The following LAMTOR3 variants were observed in gnomAD, a reference collection of about 807,000 sequenced individuals.
LAMTOR3 encodes late endosomal/lysosomal adaptor, MAPK and MTOR activator 3.
A neutral mutation model predicts 20.3 loss-of-function variants in LAMTOR3; 14 were observed. That is an observed-to-expected ratio of 0.69 (90% CI 0.46 to 1.08). LAMTOR3 has a LOEUF of 1.08. LAMTOR3 is among the 50% of genes least tolerant of loss of function. The probability of loss-of-function intolerance (pLI) is 0.00; values close to 1 mark genes in which losing one functional copy is unlikely to be tolerated. For synonymous variants in LAMTOR3, 40 were observed against 49.4 expected (o/e 0.81, Z 0.80); for missense variants, 125 against 143.7 (o/e 0.87, Z 0.67).
intron 3 of LAMTOR3, among the ~76,000 whole-genome samples, chr4:99,891,183 C>G (rs980872762): frequency 6.6e-6 from 1 of 152,152 alleles, no homozygotes; most frequent in African/African-American, 2.4e-5. Flanking sequence ...GTACTATTAA[C>G]TATTTCATCA....
At position 99,881,783 on chromosome 4, in the gene LAMTOR3, G is replaced by C; in HGVS notation, c.*211C>G. On this transcript the variant is annotated 3_prime_UTR_variant, in exon 7 of 7. Coordinates refer to ENST00000499666, the MANE Select transcript of LAMTOR3 (RefSeq NM_021970.4). ...CTGAACCATTTCTGTGGTATCCCTAGATCTCACTAAATAAGAAAGACCCTA... is the reference window on the plus strand; with the variant it reads ...CTGAACCATTTCTGTGGTATCCCTACATCTCACTAAATAAGAAAGACCCTA... 3.8e-6 allele frequency: 2 copies of C among 525,942 alleles called. No individual in the cohort carries two copies. The highest frequency in any genetic ancestry group is 6.7e-6 in the Non-Finnish European group (2 of 297,262). 32.6% of individuals were successfully genotyped at this position (525,942 alleles called of 1,614,324 possible). A position where few individuals can be genotyped will look rare whatever the true frequency, so the allele number is the denominator to read the frequency against.
chr4:99,878,498 C>T lies in LAMTOR3; in HGVS notation c.*3496G>A, dbSNP rs1185710192. On this transcript the variant is annotated 3_prime_UTR_variant, in exon 7 of 7. Coordinates refer to ENST00000499666, the MANE Select transcript of LAMTOR3 (RefSeq NM_021970.4). ...AGGCTCACTCCTGGGATCCTTATCC[C>T]CCAGGTATCTAGTTCTGCTCCTTGG... The T allele has an allele frequency of 6.6e-6, 1 of 152,090 alleles. No individual in the cohort carries two copies. Among genetic ancestry groups the T allele is most frequent in the Non-Finnish European group, 1.5e-5 (1 of 68,028 alleles). 9.4% of individuals were successfully genotyped at this position (152,090 alleles called of 1,614,324 possible).
chr4:99,894,330 GT>G lies in LAMTOR3; in HGVS notation c.-38+4del. The G allele has an allele frequency of 4.4e-6, 1 of 229,860 alleles. No homozygotes were observed. Among genetic ancestry groups the G allele is most frequent in the Non-Finnish European group, 8.4e-6 (1 of 118,940 alleles). The allele number at this position is 229,860 out of a possible 1,614,324, so 14.2% of individuals were successfully genotyped here. A position where few individuals can be genotyped will look rare whatever the true frequency, so the allele number is the denominator to read the frequency against. On this transcript the variant is annotated splice_donor_region_variant and intron_variant, in intron 1 of 6. Transcript: ENST00000499666. ...CTCAAAACCAGGCAAAGTAGCGCCA[GT>G]TACCTGGGGTTTCTGGGCTGCCTGG...
intron 3 of LAMTOR3, among the ~76,000 whole-genome samples, chr4:99,889,950 C>T (rs1035463372): frequency 2.6e-5 from 4 of 152,068 alleles, no homozygotes; most frequent in African/African-American, 9.7e-5. Flanking sequence ...AGAAAAATTA[C>T]TTACACTCTT....
At position 99,879,133 on chromosome 4, in the gene LAMTOR3, C is replaced by A. The variant is rs1724771631; in HGVS notation, c.*2861G>T. 2 of 152,174 alleles carry A rather than the reference C, an allele frequency of 1.3e-5. No individual in the cohort carries two copies. Among genetic ancestry groups the A allele is most frequent in the Admixed American group, 1.3e-4 (2 of 15,274 alleles). The allele number at this position is 152,174 out of a possible 1,614,324, so 9.4% of individuals were successfully genotyped here. The stretch of plus-strand genomic sequence containing the variant: ...TGCCTGCCCTACTTATTGAATAATC[C>A]TTTTCCCATTGTGATCCCGTCTTTA... On this transcript the variant is annotated 3_prime_UTR_variant, in exon 7 of 7. Coordinates refer to ENST00000499666, the MANE Select transcript of LAMTOR3 (RefSeq NM_021970.4).
Position 99,878,662 on chromosome 4 carries a change from C to T in LAMTOR3, c.*3332G>A, listed in dbSNP as rs570941477. 5 of 152,294 alleles carry T rather than the reference C, an allele frequency of 3.3e-5. No homozygotes were observed. In the South Asian group the frequency reaches 8.3e-4, roughly 25 times the overall value. 9.4% of individuals were successfully genotyped at this position (152,294 alleles called of 1,614,324 possible). On this transcript the variant is annotated 3_prime_UTR_variant, in exon 7 of 7. Transcript: ENST00000499666. ...CCATACAGTTTGACACCATGCTTTT[C>T]TCAATAAACATTATTATGCCTTAGA...
Position 99,879,607 on chromosome 4 carries a change from T to G in LAMTOR3, c.*2387A>C, listed in dbSNP as rs1265837106. 1 of 152,162 alleles carries G rather than the reference T, an allele frequency of 6.6e-6. No individual in the cohort carries two copies. 9.4% of individuals were successfully genotyped at this position (152,162 alleles called of 1,614,324 possible). A position where few individuals can be genotyped will look rare whatever the true frequency, so the allele number is the denominator to read the frequency against. ...TCAATGAGTACATCTAGTATTTCAA[T>G]TGTAACAATTAACTACAGTCATGTG... On this transcript the variant is annotated 3_prime_UTR_variant, in exon 7 of 7. Coordinates refer to ENST00000499666, the MANE Select transcript of LAMTOR3 (RefSeq NM_021970.4).
chr4:99,891,894 G>A, intron 3 of LAMTOR3, 106 bp downstream of exon 3: 2 of 1,459,672 alleles, frequency 1.4e-6, no homozygotes, highest in Non-Finnish European at 1.8e-6. Context: ...CATATTAAAG[G>A]AAATCTCAGA....
upstream of LAMTOR3, chr4:99,894,507 A>C (rs1725092361): frequency 6.6e-6 from 1 of 151,800 alleles, no homozygotes; most frequent in South Asian, 2.1e-4. Context: ...GCCCGGCGGA[A>C]GCTGCGAGGG....
chr4:99,892,644 A>G (rs1207218793), intron 2 of LAMTOR3, among the ~76,000 whole-genome samples: 1 of 151,734 alleles, frequency 6.6e-6, no homozygotes, highest in Non-Finnish European at 1.5e-5. Flanking sequence ...TTGTTTAAGG[A>G]CCTAAAATAA....
chr4:99,885,126 T>C (rs951808215), intron 5 of LAMTOR3, among the ~76,000 whole-genome samples: 4 of 152,194 alleles, frequency 2.6e-5, no homozygotes, highest in East Asian at 3.8e-4. Context: ...TCTCATTTAT[T>C]ACATATATAT....
At chr4:99,892,179 GT>G in intron 2 of LAMTOR3, 145 bp from the exon 3 acceptor site, 1 of 1,367,100 alleles carries the variant, frequency 7.3e-7, no homozygotes, top group South Asian at 1.8e-5. Flanking sequence ...TGATTTGGAT[GT>G]TTACTAGTCA....
intron 4 of LAMTOR3, among the ~76,000 whole-genome samples, chr4:99,886,061 A>C (rs917725000): frequency 3.9e-5 from 6 of 152,254 alleles, no homozygotes; most frequent in African/African-American, 1.4e-4. Context: ...CAGCAGCAGT[A>C]TCTCTCATAG....
At chr4:99,894,265 C>T (rs1725081153) in intron 1 of LAMTOR3, 70 bp downstream of exon 1, 3 of 343,238 alleles carry the variant, frequency 8.7e-6, no homozygotes, top group Non-Finnish European at 1.0e-5. Context: ...TCCTCTCCTT[C>T]TGTTTAATCT....
intron 4 of LAMTOR3, among the ~76,000 whole-genome samples, chr4:99,886,996 C>T (rs1724940846): frequency 6.6e-6 from 1 of 152,066 alleles, no homozygotes; most frequent in South Asian, 2.1e-4. Context: ...TGCTCACTCT[C>T]ATCACTTAGA....
In LAMTOR3 at chr4:99,887,333, A is replaced by C; in HGVS notation, c.66T>G (p.Ile22Met). 2 of 1,552,814 alleles carry C rather than the reference A, an allele frequency of 1.3e-6. No individual in the cohort carries two copies. The highest frequency in any genetic ancestry group is 1.7e-6 in the Non-Finnish European group (2 of 1,143,680). The change falls in exon 4 of 7, where the codon ATT becomes ATG. Residue 22 changes from isoleucine to methionine, a missense_variant. Around this residue, in one of 3 missense-constraint regions of LAMTOR3, gnomAD observed 99 missense variants for 96.0 expected, o/e 1.03. Transcript: ENST00000499666. ...KLPSVEGLHA[I>M]VVSDRDGVPV... ...GTACTCCATCTCTATCTGACACAAC[A>C]ATGGCATGGAGCCCTTCAACACTAG...
chr4:99,894,044 C>T, intron 1 of LAMTOR3, 44 bp from the exon 2 acceptor site: 1 of 1,269,018 alleles, frequency 7.9e-7, no homozygotes, highest in Non-Finnish European at 1.1e-6. Context: ...TTGGCTTCCT[C>T]GTCCTCCCCA....
chr4:99,885,603 T>TG lies in LAMTOR3; in HGVS notation c.175dup (p.Gln59ProfsTer11). The stretch of plus-strand genomic sequence containing the variant: ...TTTGGAAAGTCCAAGTTTGCTTCCT[T>TG]GGTCTGTTGCAAGGGCAAAAGTGGA... On this transcript the variant is annotated frameshift_variant, in exon 5 of 7. Coordinates refer to ENST00000499666, the MANE Select transcript of LAMTOR3 (RefSeq NM_021970.4). LOFTEE classifies it high-confidence loss of function. 6.2e-7 allele frequency: 1 copy of TG among 1,613,722 alleles called. No individual in the cohort carries two copies. The highest frequency in any genetic ancestry group is 8.5e-7 in the Non-Finnish European group (1 of 1,179,726).
intron 2 of LAMTOR3, 84 bp downstream of exon 2, chr4:99,893,871 T>C: frequency 8.9e-7 from 1 of 1,128,254 alleles, no homozygotes; most frequent in Non-Finnish European, 1.2e-6. Context: ...AAATTTCTGT[T>C]TGGGAAGTTC....
Sources: gnomAD v4.1 joint callset for allele counts (sites outside exome capture counted in the v4.1 genomes callset) on GRCh38, gnomAD v4.1.1 for gene constraint, gnomAD v4.1.1 regional missense constraint, MANE v1.5 for transcripts, NCBI Gene and HGNC (gene_info 2026-07-23, HGNC 2026-07-21) for gene names.